The following ELMO1 variants were observed in gnomAD, a reference collection of about 807,000 sequenced individuals.
The protein encoded by ELMO1 is engulfment and cell motility 1.
ELMO1 carries 26 observed loss-of-function variants against 98.9 expected under a neutral mutation model. The observed-to-expected ratio is 0.26, with a 90% confidence interval of 0.19 to 0.36. The LOEUF (loss-of-function observed/expected upper bound fraction) is 0.36. Ranked by LOEUF, ELMO1 falls within the 10% of genes least tolerant of loss-of-function variation. ELMO1 has a pLI of 1.00. For synonymous variants in ELMO1, 346 were observed against 346.0 expected (o/e 1.00, Z 0.00); for missense variants, 627 against 935.2 (o/e 0.67, Z 4.30).
chr7:36,910,995 G>T (rs1784306499), intron 16 of ELMO1, among the ~76,000 whole-genome samples: 1 of 152,080 alleles, frequency 6.6e-6, no homozygotes, highest in Non-Finnish European at 1.5e-5. Flanking sequence ...TCTAAACGAG[G>T]GGATATCTAT....
chr7:37,014,280 A>C (rs548186127), intron 15 of ELMO1, among the ~76,000 whole-genome samples: 3 of 151,330 alleles, frequency 2.0e-5, no homozygotes, highest in African/African-American at 7.3e-5. Context: ...TCCTCTTACC[A>C]CTCGTATCTT....
At chr7:37,259,412 T>A in intron 5 of ELMO1, 62 bp from the exon 6 acceptor site, 1 of 1,558,778 alleles carries the variant, frequency 6.4e-7, no homozygotes, top group Non-Finnish European at 8.8e-7. Context: ...CAAAACAGAT[T>A]TATGTTTCAA....
intron 13 of ELMO1, among the ~76,000 whole-genome samples, chr7:37,137,025 C>T (rs752619325): frequency 2.0e-5 from 3 of 152,128 alleles, no homozygotes; most frequent in Non-Finnish European, 2.9e-5. Flanking sequence ...TCAAGAGACT[C>T]ACCTAACACA....
chr7:37,446,221 G>A (rs918024184), intron 1 of ELMO1, among the ~76,000 whole-genome samples: 5 of 152,308 alleles, frequency 3.3e-5, no homozygotes, highest in South Asian at 2.1e-4. Context: ...ATTGAGCACC[G>A]ACATCATGCT....
intron 1 of ELMO1, among the ~76,000 whole-genome samples, chr7:37,446,520 C>A (rs753058107): frequency 6.6e-6 from 1 of 152,140 alleles, no homozygotes; most frequent in Non-Finnish European, 1.5e-5. Context: ...GGGAGAAAAG[C>A]TCCTCCTGTA....
chr7:37,112,871 G>A (rs1293005203), intron 14 of ELMO1, among the ~76,000 whole-genome samples: 2 of 152,112 alleles, frequency 1.3e-5, no homozygotes, highest in East Asian at 1.9e-4. Flanking sequence ...AATACAAAGG[G>A]ACATTTGGGA....
At chr7:37,100,387 C>T (rs148985843) in intron 14 of ELMO1, among the ~76,000 whole-genome samples, 9 of 152,302 alleles carry the variant, frequency 5.9e-5, no homozygotes, top group South Asian at 2.1e-4. Flanking sequence ...TGTTTCTTGT[C>T]GCTCTTCTCC....
At chr7:37,447,774 C>G (rs1007539748) in intron 1 of ELMO1, among the ~76,000 whole-genome samples, 31 of 148,318 alleles carry the variant, frequency 2.1e-4, no homozygotes, top group Middle Eastern at 3.3e-3. Context: ...GCTCGCGGCA[C>G]AGCACCGACT....
intron 13 of ELMO1, among the ~76,000 whole-genome samples, chr7:37,148,350 T>C (rs1158048327): frequency 6.6e-6 from 1 of 152,180 alleles, no homozygotes; most frequent in Non-Finnish European, 1.5e-5. Context: ...ACACCAACGA[T>C]TCTGAATTTA....
intron 16 of ELMO1, among the ~76,000 whole-genome samples, chr7:36,976,232 C>CTCCCATTTTACT (rs1226871270): frequency 2.0e-5 from 3 of 152,234 alleles, no homozygotes; most frequent in African/African-American, 4.8e-5. Context: ...AGAACCAAAA[C>CTCCCATTTTACT]TCCCATTTTA....
chr7:37,118,795 A>G (rs573031961), intron 14 of ELMO1, among the ~76,000 whole-genome samples: 3 of 152,332 alleles, frequency 2.0e-5, no homozygotes, highest in Non-Finnish European at 4.4e-5. Context: ...GCTCTAAGTT[A>G]ATTGGGGAGG....
intron 16 of ELMO1, among the ~76,000 whole-genome samples, chr7:36,961,009 G>A (rs186538758): frequency 5.3e-5 from 8 of 152,036 alleles, no homozygotes; most frequent in Middle Eastern, 3.4e-3. Flanking sequence ...ACAAACTCTC[G>A]GCTCCTTAAA....
At chr7:37,075,434 C>A (rs1024209036) in intron 15 of ELMO1, among the ~76,000 whole-genome samples, 2 of 151,956 alleles carry the variant, frequency 1.3e-5, no homozygotes, top group Non-Finnish European at 2.9e-5. Flanking sequence ...GGGTTACAGG[C>A]GTGAGCCACC....
chr7:37,122,435 G>A (rs1286621495), intron 14 of ELMO1, among the ~76,000 whole-genome samples: 1 of 152,182 alleles, frequency 6.6e-6, no homozygotes. Flanking sequence ...TAAAGGGATG[G>A]AGGAAGATCT....
chr7:37,375,929 G>A (rs756845774), intron 1 of ELMO1: 9 of 638,984 alleles, frequency 1.4e-5, no homozygotes, highest in Non-Finnish European at 2.6e-5. Flanking sequence ...GTGCCTCCTG[G>A]TGCCAACAAG....
At chr7:37,248,194 ATGTGTG>A (rs3054282) in intron 6 of ELMO1, among the ~76,000 whole-genome samples, 14 of 141,134 alleles carry the variant, frequency 9.9e-5, no homozygotes, top group Non-Finnish European at 1.7e-4. Context: ...GGGATTTTAT[ATGTGTG>A]TGTGTGTGTG....
chr7:36,896,433 G>A (rs759455916), intron 16 of ELMO1, among the ~76,000 whole-genome samples: 9 of 152,186 alleles, frequency 5.9e-5, no homozygotes, highest in South Asian at 2.1e-4. Flanking sequence ...TATAATAGAA[G>A]TGCAGAAATG....
intron 16 of ELMO1, among the ~76,000 whole-genome samples, chr7:36,933,256 A>G (rs1216652539): frequency 6.6e-6 from 1 of 152,204 alleles, no homozygotes; most frequent in African/African-American, 2.4e-5. Context: ...ATGTAGCTAA[A>G]ACAATACAGG....
chr7:37,148,881 C>A (rs1315120945), intron 13 of ELMO1, among the ~76,000 whole-genome samples: 1 of 152,196 alleles, frequency 6.6e-6, no homozygotes, highest in South Asian at 2.1e-4. Context: ...ATGTCATGTA[C>A]AGTAGGCATC....
Sources: allele counts gnomAD v4.1 joint callset (sites outside exome capture counted in the v4.1 genomes callset), GRCh38; gene constraint gnomAD v4.1.1; transcripts MANE v1.5; gene names NCBI Gene and HGNC (gene_info 2026-07-23, HGNC 2026-07-21).